The following NMNAT3 variants were observed in gnomAD, a reference collection of about 807,000 sequenced individuals.
NMNAT3 encodes the protein nicotinamide nucleotide adenylyltransferase 3, also known as nicotinamide/nicotinic acid mononucleotide adenylyltransferase 3.
Under a neutral mutation model 24.8 loss-of-function variants are expected in NMNAT3, and 21 were observed. That is an observed-to-expected ratio of 0.85 (90% CI 0.60 to 1.22). The LOEUF (loss-of-function observed/expected upper bound fraction) is 1.22, where lower values mean the gene tolerates loss of function less well. Ranked by LOEUF, NMNAT3 falls within the 50% of genes most tolerant of loss-of-function variation. The probability of loss-of-function intolerance (pLI) is 0.00; values close to 1 mark genes in which losing one functional copy is unlikely to be tolerated. For missense variants in NMNAT3, 387 were observed against 436.6 expected (o/e 0.89, Z 1.01); for synonymous variants, 136 against 155.2 (o/e 0.88, Z 0.92).
chr3:139,675,131 A>AACACACAC (rs1397817305), intron 1 of NMNAT3, among the ~76,000 whole-genome samples: 1 of 25,098 alleles, frequency 4.0e-5, no homozygotes, highest in Non-Finnish European at 8.7e-5. Context: ...ATTCCTTTTA[A>AACACACAC]ACATACACAC....
At chr3:139,615,955 C>G (rs1205477551) in intron 3 of NMNAT3, among the ~76,000 whole-genome samples, 2 of 152,128 alleles carry the variant, frequency 1.3e-5, no homozygotes, top group Admixed American at 1.3e-4. Flanking sequence ...ATTGTCTCCC[C>G]TTGTTATTAT....
At chr3:139,671,926 C>A (rs1413859173) in intron 1 of NMNAT3, among the ~76,000 whole-genome samples, 7 of 152,226 alleles carry the variant, frequency 4.6e-5, no homozygotes, top group South Asian at 2.1e-4. Context: ...CTCATTGACA[C>A]TGACACTCAT....
In NMNAT3 at chr3:139,671,553, G is replaced by A. The variant is rs545359585; in HGVS notation, c.-141+6152C>T. 5.3e-4 allele frequency among the ~76,000 whole-genome samples: 80 copies of A among 151,942 alleles called. 1 individual carries two copies. Among genetic ancestry groups the A allele is most frequent in the African/African-American group, 1.7e-3 (72 of 41,456 alleles). On this transcript the variant is annotated intron_variant, in intron 1 of 6. Coordinates refer to ENST00000643695, the MANE Select transcript of NMNAT3 (RefSeq NM_001320510.2). Reference sequence around the variant, plus strand: ...CAGCTCCTATACTTTTATCATCGACGGTCCTTTGATTACTTACAAAACACA... The same window carrying A: ...CAGCTCCTATACTTTTATCATCGACAGTCCTTTGATTACTTACAAAACACA...
intron 3 of NMNAT3, among the ~76,000 whole-genome samples, chr3:139,584,761 A>T (rs1184119294): frequency 6.6e-6 from 1 of 152,186 alleles, no homozygotes; most frequent in Non-Finnish European, 1.5e-5. Context: ...TAAATGTCCT[A>T]CGTGTGCTTA....
Position 139,560,225 on chromosome 3 carries a change from G to T in NMNAT3, c.*785C>A, listed in dbSNP as rs1470047399. ...ATGTCAATTTATTATTTATCCCTTT[G>T]CCAGTATTCAAACAGACAGGCAGTC... On this transcript the variant is annotated 3_prime_UTR_variant, in exon 7 of 7. Transcript: ENST00000643695. The T allele has an allele frequency of 1.3e-5, 2 of 152,552 alleles. No homozygotes were observed. Among genetic ancestry groups the T allele is most frequent in the Non-Finnish European group, 2.9e-5 (2 of 68,030 alleles). The allele number at this position is 152,552 out of a possible 1,614,324, so 9.4% of individuals were successfully genotyped here.
Position 139,578,987 on chromosome 3 carries a change from C to A in NMNAT3, c.460G>T (p.Ala154Ser). 6.2e-7 allele frequency: 1 copy of A among 1,614,202 alleles called. No homozygotes were observed. Among genetic ancestry groups the A allele is most frequent in the Non-Finnish European group, 8.5e-7 (1 of 1,180,032 alleles). The change falls in exon 5 of 7, where the codon GCT becomes TCT. Residue 154 changes from alanine (A) to serine (S), a missense_variant. Around this residue, in one of 3 missense-constraint regions of NMNAT3, gnomAD observed 323 missense variants for 345.2 expected, o/e 0.94. Coordinates refer to ENST00000643695, the MANE Select transcript of NMNAT3 (RefSeq NM_001320510.2). ...GCCATGGCCACTCGGTGATGAGAAG[C>A]TGCGAGGTCTTTCTTCCCATAGGTG... is the stretch of plus-strand genomic sequence containing the variant.
chr3:139,569,111 T>C (rs1243894630), intron 6 of NMNAT3: 2 of 152,194 alleles, frequency 1.3e-5, no homozygotes, highest in Non-Finnish European at 2.9e-5. Context: ...CTTCTTTGTC[T>C]CTTTTGATCT....
At chr3:139,657,714 T>C (rs1306719472) in intron 1 of NMNAT3, among the ~76,000 whole-genome samples, 1 of 151,454 alleles carries the variant, frequency 6.6e-6, no homozygotes, top group Non-Finnish European at 1.5e-5. Flanking sequence ...TGCTGCACAA[T>C]GTGTTGTGGA....
chr3:139,593,996 C>T (rs1311768826), intron 3 of NMNAT3, among the ~76,000 whole-genome samples: 1 of 151,350 alleles, frequency 6.6e-6, no homozygotes, highest in Non-Finnish European at 1.5e-5. Flanking sequence ...ACACAAAAAA[C>T]CCTTCAAAAA....
intron 1 of NMNAT3, among the ~76,000 whole-genome samples, chr3:139,644,688 T>G (rs758500249): frequency 6.6e-6 from 1 of 152,208 alleles, no homozygotes; most frequent in Non-Finnish European, 1.5e-5. Flanking sequence ...TAATTTTAAC[T>G]CCTTGATGGA....
At chr3:139,612,543 G>A (rs2055275349) in intron 3 of NMNAT3, among the ~76,000 whole-genome samples, 1 of 152,160 alleles carries the variant, frequency 6.6e-6, no homozygotes, top group South Asian at 2.1e-4. Context: ...GTTGCAGGCA[G>A]GTAGTCTAAA....
chr3:139,590,201 A>G (rs1362856699), intron 3 of NMNAT3, among the ~76,000 whole-genome samples: 5 of 152,238 alleles, frequency 3.3e-5, no homozygotes, highest in African/African-American at 4.8e-5. Flanking sequence ...AATGATAGGC[A>G]TAGGAAACTA....
chr3:139,593,593 G>C (rs1377929924), intron 3 of NMNAT3, among the ~76,000 whole-genome samples: 1 of 152,010 alleles, frequency 6.6e-6, no homozygotes, highest in African/African-American at 2.4e-5. Flanking sequence ...TAAAATAACA[G>C]AAATTATAAC....
At chr3:139,641,199 T>C (rs1389289329) in intron 1 of NMNAT3, among the ~76,000 whole-genome samples, 1 of 152,208 alleles carries the variant, frequency 6.6e-6, no homozygotes, top group Non-Finnish European at 1.5e-5. Flanking sequence ...CAGCAAGTTA[T>C]ACACAAACCT....
intron 3 of NMNAT3, among the ~76,000 whole-genome samples, chr3:139,610,919 G>T (rs145597561): frequency 6.6e-6 from 1 of 152,160 alleles, no homozygotes; most frequent in Non-Finnish European, 1.5e-5. Context: ...AAAATTGCTG[G>T]TGTAAATGAT....
At chr3:139,662,231 G>T (rs1391756671) in intron 1 of NMNAT3, among the ~76,000 whole-genome samples, 1 of 152,040 alleles carries the variant, frequency 6.6e-6, no homozygotes, top group East Asian at 1.9e-4. Flanking sequence ...CTCCTACCTG[G>T]TAACCAGCTT....
intron 3 of NMNAT3, chr3:139,584,575 G>C (rs992899696): frequency 6.6e-6 from 1 of 152,078 alleles, no homozygotes; most frequent in African/African-American, 2.4e-5. Flanking sequence ...TGTCTGTTTT[G>C]ATCCATGACT....
intron 1 of NMNAT3, among the ~76,000 whole-genome samples, chr3:139,670,649 G>A (rs2057727411): frequency 6.6e-6 from 1 of 152,196 alleles, no homozygotes; most frequent in Admixed American, 6.5e-5. Context: ...CACAGTGAGA[G>A]TTGGCAGTAC....
chr3:139,623,872 C>T lies in NMNAT3; in HGVS notation c.109+3744G>A, dbSNP rs569476061. 3.9e-5 allele frequency among the ~76,000 whole-genome samples: 6 copies of T among 152,250 alleles called. No homozygotes were observed. In the South Asian group the frequency reaches 8.3e-4, roughly 21 times the overall value. ...CTGGACAGGTGTGAACCACCATGCC[C>T]GGCCTATGCTAGACTTTTTAGACTT... On this transcript the variant is annotated intron_variant, in intron 3 of 6. Transcript: ENST00000643695.
Sources: gnomAD v4.1 joint callset for allele counts (sites outside exome capture counted in the v4.1 genomes callset) on GRCh38, gnomAD v4.1.1 for gene constraint, gnomAD v4.1.1 regional missense constraint, MANE v1.5 for transcripts, NCBI Gene and HGNC (gene_info 2026-07-23, HGNC 2026-07-21) for gene names.